GLIS3: variants seen among roughly 807,000 people sequenced by gnomAD.
GLIS3 encodes the protein GLIS family zinc finger 3.
Under a neutral mutation model 78.6 loss-of-function variants are expected in GLIS3, and 53 were observed. The ratio of observed to expected loss-of-function variants is 0.67; its 90% CI spans 0.54 to 0.85. GLIS3 has a LOEUF of 0.85. GLIS3 is among the 40% of genes least tolerant of loss of function. GLIS3 has a pLI of 0.00. For synonymous variants in GLIS3, 684 were observed against 509.9 expected (o/e 1.34, Z -4.60); for missense variants, 1,703 against 1,231.1 (o/e 1.38, Z -5.74).
At chr9:4,265,563 T>TA (rs1332456357) in intron 2 of GLIS3, among the ~76,000 whole-genome samples, 1 of 152,158 alleles carries the variant, frequency 6.6e-6, no homozygotes, top group Non-Finnish European at 1.5e-5. Flanking sequence ...GAATTACCTC[T>TA]AATGCTTCCA....
At chr9:4,165,187 T>A (rs1835783459) in intron 2 of GLIS3, among the ~76,000 whole-genome samples, 1 of 152,140 alleles carries the variant, frequency 6.6e-6, no homozygotes, top group Admixed American at 6.5e-5. Context: ...ACACCTGTAA[T>A]CCCAGCACTT....
rs746578838 is a variant in GLIS3 at position 4,118,679 on chromosome 9, T to C, written c.799A>G (p.Asn267Asp). Residue 267 changes from asparagine to aspartate, a missense_variant, in exon 4 of 11, where the codon AAC becomes GAC. Asn to Asp is a conservative substitution (Grantham distance 23). Coordinates refer to ENST00000381971, the MANE Select transcript of GLIS3 (RefSeq NM_001042413.2). This position sits in a 1 kb window ranked among gnomAD's most constrained non-coding sequence, Gnocchi z 4.7. ...CCAAAAAGGTAGGATGGTAATGAGT[T>C]AGAGACACTATTGCTGGACATGGAT... ...GTSMSSNSVSNSLPSYLFGTE... is the reference protein window; with the variant it reads ...GTSMSSNSVSDSLPSYLFGTE... 1.2e-6 allele frequency: 2 copies of C among 1,613,892 alleles called. No individual in the cohort carries two copies.
intron 4 of GLIS3, among the ~76,000 whole-genome samples, chr9:4,116,063 A>G (rs1294150433): frequency 6.6e-6 from 1 of 152,260 alleles, no homozygotes; most frequent in African/African-American, 2.4e-5. Flanking sequence ...AAAAAGTTAT[A>G]TGTCTTTGCA....
the GLIS3 span, among the ~76,000 whole-genome samples, chr9:4,438,492 T>A: frequency 6.6e-6 from 1 of 152,150 alleles, no homozygotes; most frequent in Non-Finnish European, 1.5e-5. Context: ...ATGGTGGCAG[T>A]GTGAAGATTT....
At chr9:4,376,441 AGCAACAGAAGAAAC>A in the GLIS3 span, among the ~76,000 whole-genome samples, 10 of 77,760 alleles carry the variant, frequency 1.3e-4, no homozygotes, top group Non-Finnish European at 2.6e-4. Context: ...TAAACACAAG[AGCAACAGAAGAAAC>A]CACAAAGGAA....
At chr9:4,164,724 T>G (rs1271843886) in intron 2 of GLIS3, among the ~76,000 whole-genome samples, 1 of 151,992 alleles carries the variant, frequency 6.6e-6, no homozygotes, top group Non-Finnish European at 1.5e-5. Context: ...CAAACAATAT[T>G]GGAAAGCAAA....
At chr9:4,174,591 C>A (rs976666174) in intron 2 of GLIS3, among the ~76,000 whole-genome samples, 1 of 152,280 alleles carries the variant, frequency 6.6e-6, no homozygotes, top group Admixed American at 6.5e-5. Context: ...GACATTTTTA[C>A]AAATCTACCA....
intron 4 of GLIS3, among the ~76,000 whole-genome samples, chr9:3,999,702 T>G (rs1367790108): frequency 6.6e-6 from 1 of 152,158 alleles, no homozygotes; most frequent in Admixed American, 6.5e-5. Flanking sequence ...ATAATTGATC[T>G]ACATATTTAA....
chr9:4,181,425 T>G (rs541341075), intron 2 of GLIS3, among the ~76,000 whole-genome samples: 2 of 152,232 alleles, frequency 1.3e-5, no homozygotes, highest in Non-Finnish European at 2.9e-5. Context: ...ATGACTGTGC[T>G]CCATGGCATC....
chr9:4,286,682 G>A (rs1012527012), intron 1 of GLIS3, among the ~76,000 whole-genome samples, 159 bp from the exon 2 acceptor site: 1 of 152,168 alleles, frequency 6.6e-6, no homozygotes, highest in African/African-American at 2.4e-5. Flanking sequence ...CGGCTCATTG[G>A]CAGGCACTCT....
intron 2 of GLIS3, among the ~76,000 whole-genome samples, chr9:4,157,698 T>C (rs1028313888): frequency 1.8e-4 from 28 of 152,212 alleles, no homozygotes; most frequent in African/African-American, 6.5e-4. Flanking sequence ...CCTCCTTTAG[T>C]GCATGCATTA....
intron 6 of GLIS3, among the ~76,000 whole-genome samples, chr9:3,926,238 T>TTG (rs1554648264): frequency 6.7e-5 from 10 of 149,408 alleles, no homozygotes; most frequent in African/African-American, 2.0e-4. Context: ...CTTTTGTTTT[T>TTG]TTTTTTTTCT....
At chr9:4,295,245 G>C (rs1816376837) in intron 1 of GLIS3, among the ~76,000 whole-genome samples, 1 of 152,078 alleles carries the variant, frequency 6.6e-6, no homozygotes, top group African/African-American at 2.4e-5. Flanking sequence ...ACTCTGGGTT[G>C]CCTTAGTGGA....
At chr9:4,066,366 T>C (rs944388389) in intron 4 of GLIS3, among the ~76,000 whole-genome samples, 16 of 152,226 alleles carry the variant, frequency 1.1e-4, no homozygotes, top group Non-Finnish European at 2.1e-4. Context: ...TATTCCTGTC[T>C]TATCTTTGAT....
At chr9:3,993,320 G>A (rs551039280) in intron 4 of GLIS3, among the ~76,000 whole-genome samples, 1 of 152,112 alleles carries the variant, frequency 6.6e-6, no homozygotes, top group African/African-American at 2.4e-5. Flanking sequence ...TTAATCTTCT[G>A]AAGCCTGAAA....
At chr9:3,883,601 G>C (rs1197930468) in intron 7 of GLIS3, among the ~76,000 whole-genome samples, 1 of 152,214 alleles carries the variant, frequency 6.6e-6, no homozygotes, top group African/African-American at 2.4e-5. Context: ...AAGGAAGAGA[G>C]CTGATCCCTC....
At chr9:4,353,971 G>A in the GLIS3 span, among the ~76,000 whole-genome samples, 8 of 150,612 alleles carry the variant, frequency 5.3e-5, no homozygotes, top group Non-Finnish European at 8.8e-5. Flanking sequence ...GGGACTACAG[G>A]AGCACGCCGC....
chr9:4,211,878 T>A (rs925906813), intron 2 of GLIS3, among the ~76,000 whole-genome samples: 1 of 152,200 alleles, frequency 6.6e-6, no homozygotes, highest in Non-Finnish European at 1.5e-5. Flanking sequence ...ACAGCATGGA[T>A]TGACCTTGAA....
At chr9:4,149,383 A>G (rs921788418) in intron 2 of GLIS3, among the ~76,000 whole-genome samples, 1 of 152,238 alleles carries the variant, frequency 6.6e-6, no homozygotes, top group African/African-American at 2.4e-5. Context: ...CAAAAAACAC[A>G]CACAGATGGC....
Sources: gnomAD v4.1 joint callset for allele counts (sites outside exome capture counted in the v4.1 genomes callset) on GRCh38, gnomAD v4.1.1 for gene constraint, Gnocchi (gnomAD v3.1) non-coding constraint, MANE v1.5 for transcripts, NCBI Gene and HGNC (gene_info 2026-07-23, HGNC 2026-07-21) for gene names.